Variants in ARB2A observed in about 807,000 individuals in gnomAD.
ARB2A encodes cotranscriptional regulator ARB2A.
the ARB2A span, among the ~76,000 whole-genome samples, chr5:93,703,774 A>C: frequency 5.4e-3 from 818 of 152,298 alleles, 6 homozygotes; most frequent in African/African-American, 0.018. Context: ...TTGCCCCTAC[A>C]TCTGGCTATT....
the ARB2A span, among the ~76,000 whole-genome samples, chr5:93,771,838 A>G: frequency 3.3e-5 from 5 of 152,216 alleles, no homozygotes; most frequent in African/African-American, 1.2e-4. Context: ...AGAAATAGGA[A>G]CACTTTTACA....
At chr5:93,618,025 T>C in the ARB2A span, 1 of 152,126 alleles carries the variant, frequency 6.6e-6, no homozygotes, top group African/African-American at 2.4e-5. Context: ...ATGCAATTGG[T>C]GAATAAGCAA....
chr5:93,851,087 T>G, the ARB2A span, among the ~76,000 whole-genome samples: 1 of 152,160 alleles, frequency 6.6e-6, no homozygotes, highest in Non-Finnish European at 1.5e-5. Context: ...ATGGACCCAG[T>G]TAAGTATTTT....
chr5:93,698,776 G>A, the ARB2A span, among the ~76,000 whole-genome samples: 1 of 152,214 alleles, frequency 6.6e-6, no homozygotes, highest in South Asian at 2.1e-4. Flanking sequence ...CTATATGTTA[G>A]GCATTGAAGC....
chr5:93,757,788 C>A, the ARB2A span, among the ~76,000 whole-genome samples: 2 of 152,080 alleles, frequency 1.3e-5, no homozygotes, highest in Non-Finnish European at 2.9e-5. Flanking sequence ...TTAAATCACA[C>A]AGGACCTAAA....
the ARB2A span, among the ~76,000 whole-genome samples, chr5:93,798,330 A>C: frequency 2.6e-3 from 401 of 152,210 alleles, 2 homozygotes; most frequent in South Asian, 0.012. Context: ...TTTCTCCTCA[A>C]ACAAAAAAGG....
At chr5:93,941,424 G>C in the ARB2A span, among the ~76,000 whole-genome samples, 1 of 152,016 alleles carries the variant, frequency 6.6e-6, no homozygotes, top group Non-Finnish European at 1.5e-5. Context: ...ACATCAGAGT[G>C]ACTCAAAAAA....
chr5:93,639,913 C>T, the ARB2A span, among the ~76,000 whole-genome samples: 16 of 150,612 alleles, frequency 1.1e-4, 1 homozygote, highest in South Asian at 1.3e-3. Context: ...GGCATGGTGG[C>T]GGGCGCCTGT....
the ARB2A span, among the ~76,000 whole-genome samples, chr5:94,041,564 TA>T: frequency 2.0e-5 from 3 of 152,178 alleles, no homozygotes; most frequent in Non-Finnish European, 2.9e-5. Flanking sequence ...GTCAGAAAAG[TA>T]AAAAGTGTAA....
chr5:93,801,876 C>G, the ARB2A span, among the ~76,000 whole-genome samples: 4 of 152,076 alleles, frequency 2.6e-5, no homozygotes, highest in Non-Finnish European at 5.9e-5. Context: ...GTGGAATGGC[C>G]AGAACGAAGT....
the ARB2A span, among the ~76,000 whole-genome samples, chr5:94,027,857 G>A: frequency 6.6e-6 from 1 of 152,168 alleles, no homozygotes; most frequent in Non-Finnish European, 1.5e-5. Flanking sequence ...CTTGAGACTA[G>A]TGGGAAGGAA....
At chr5:93,667,392 G>C in the ARB2A span, among the ~76,000 whole-genome samples, 10 of 152,144 alleles carry the variant, frequency 6.6e-5, no homozygotes, top group African/African-American at 4.8e-5. Flanking sequence ...AACTCTTATA[G>C]TGCCTAAACT....
the ARB2A span, among the ~76,000 whole-genome samples, chr5:93,771,871 G>A: frequency 6.6e-6 from 1 of 152,342 alleles, no homozygotes; most frequent in African/African-American, 2.4e-5. Flanking sequence ...CTGTAAACTA[G>A]TTCAACCTTT....
At chr5:93,911,164 A>C in the ARB2A span, among the ~76,000 whole-genome samples, 1 of 151,622 alleles carries the variant, frequency 6.6e-6, no homozygotes, top group Admixed American at 6.6e-5. Flanking sequence ...AGAACTTTCT[A>C]ATACAGTCTG....
At chr5:93,727,630 G>C in the ARB2A span, among the ~76,000 whole-genome samples, 1 of 151,990 alleles carries the variant, frequency 6.6e-6, no homozygotes, top group African/African-American at 2.4e-5. Flanking sequence ...CAATTGCCCA[G>C]TGGAATGCAC....
chr5:93,881,883 T>C, the ARB2A span, among the ~76,000 whole-genome samples: 2 of 151,276 alleles, frequency 1.3e-5, no homozygotes, highest in African/African-American at 4.8e-5. Flanking sequence ...ATTGTGTATA[T>C]AAATAAGCTT....
At chr5:93,856,409 T>G in the ARB2A span, among the ~76,000 whole-genome samples, 2 of 152,328 alleles carry the variant, frequency 1.3e-5, no homozygotes, top group South Asian at 4.1e-4. Context: ...CCCGTCAGTT[T>G]CAGGTACACC....
At chr5:94,103,584 G>C in the ARB2A span, among the ~76,000 whole-genome samples, 1 of 151,882 alleles carries the variant, frequency 6.6e-6, no homozygotes, top group Admixed American at 6.6e-5. Context: ...ACCTCACCTT[G>C]ACACCCACTG....
At chr5:93,630,016 G>C in the ARB2A span, among the ~76,000 whole-genome samples, 1 of 152,234 alleles carries the variant, frequency 6.6e-6, no homozygotes, top group African/African-American at 2.4e-5. Flanking sequence ...GAACTTACGA[G>C]CTTACCAGCA....
Sources: gnomAD v4.1 joint callset for allele counts (sites outside exome capture counted in the v4.1 genomes callset) on GRCh38, gnomAD v4.1.1 for gene constraint, MANE v1.5 for transcripts, NCBI Gene and HGNC (gene_info 2026-07-23, HGNC 2026-07-21) for gene names.